STYX: variants seen among roughly 807,000 people sequenced by gnomAD.
STYX encodes serine/threonine/tyrosine-interacting protein.
In STYX, 20 loss-of-function variants were observed where a neutral mutation model predicts 42.7. The observed-to-expected ratio is 0.47, with a 90% CI of 0.33 to 0.68. The LOEUF (loss-of-function observed/expected upper bound fraction) is 0.68. Among genes scored for constraint, STYX ranks in the 30% least tolerant of loss-of-function variants. STYX has a pLI of 0.02. For synonymous variants in STYX, 78 were observed against 81.9 expected (o/e 0.95, Z 0.26); for missense variants, 226 against 268.5 (o/e 0.84, Z 1.11).
At chr14:52,766,937 A>G (rs1882325619) in intron 9 of STYX, among the ~76,000 whole-genome samples, 1 of 150,996 alleles carries the variant, frequency 6.6e-6, no homozygotes, top group South Asian at 2.1e-4. Flanking sequence ...TGTTTTAGTT[A>G]GGCACTGACA....
intron 1 of STYX, among the ~76,000 whole-genome samples, chr14:52,743,505 C>T (rs144264934): frequency 1.3e-3 from 199 of 152,008 alleles, no homozygotes; most frequent in African/African-American, 4.5e-3. Flanking sequence ...GGTGTGAACC[C>T]GGGAGACGGA....
chr14:52,730,610 C>T, intron 1 of STYX, 79 bp downstream of exon 1: 2 of 1,517,836 alleles, frequency 1.3e-6, no homozygotes, highest in Non-Finnish European at 9.0e-7. Flanking sequence ...CCCCAACCGT[C>T]TTAGCCGCCA....
At chr14:52,740,223 C>T (rs567824183) in intron 1 of STYX, among the ~76,000 whole-genome samples, 2 of 152,242 alleles carry the variant, frequency 1.3e-5, no homozygotes, top group Non-Finnish European at 2.9e-5. Context: ...TTGCAGTGAG[C>T]TGAGATCGTG....
chr14:52,743,092 G>A (rs1036790098), intron 1 of STYX, among the ~76,000 whole-genome samples: 5 of 151,334 alleles, frequency 3.3e-5, no homozygotes, highest in South Asian at 4.2e-4. Context: ...CACCGCGCCC[G>A]GCTTTTTGAT....
At chr14:52,739,007 T>C (rs1881076134) in intron 1 of STYX, among the ~76,000 whole-genome samples, 1 of 152,112 alleles carries the variant, frequency 6.6e-6, no homozygotes, top group African/African-American at 2.4e-5. Context: ...TTCTTTCCTG[T>C]GATACCCCCA....
intron 8 of STYX, among the ~76,000 whole-genome samples, chr14:52,758,903 T>G (rs1450958186): frequency 6.6e-6 from 1 of 152,226 alleles, no homozygotes; most frequent in East Asian, 1.9e-4. Flanking sequence ...GAAAAAAGAT[T>G]AAACATGTAT....
chr14:52,750,623 T>C, intron 3 of STYX, 60 bp from the exon 4 acceptor site: 2 of 1,057,394 alleles, frequency 1.9e-6, no homozygotes, highest in South Asian at 1.5e-5. Context: ...AGTAAGATGA[T>C]GTTTGATATT....
In STYX at chr14:52,757,693, C is replaced by T. The variant is rs79369272; in HGVS notation, c.341-50C>T. On this transcript the variant is annotated intron_variant, in intron 6 of 10. Coordinates refer to ENST00000354586, the MANE Select transcript of STYX (RefSeq NM_145251.4). ...TTACTGTGGTTTCAATGTAGTTCAG[C>T]TACTGACTCAGGTGTTTTTCTATTA... 8.6e-3 allele frequency: 13,402 copies of T among 1,557,694 alleles called. 120 individuals carry two copies. The highest frequency in any genetic ancestry group is 0.027 in the South Asian group (2,442 of 89,590).
chr14:52,761,685 C>T (rs1271456103), intron 9 of STYX, among the ~76,000 whole-genome samples: 1 of 149,860 alleles, frequency 6.7e-6, no homozygotes, highest in Non-Finnish European at 1.5e-5. Context: ...TCTCCTGCCT[C>T]AGCCTCCCAA....
intron 9 of STYX, among the ~76,000 whole-genome samples, chr14:52,760,119 T>C (rs1168316494): frequency 6.6e-6 from 1 of 152,122 alleles, no homozygotes; most frequent in Non-Finnish European, 1.5e-5. Flanking sequence ...GATGGGAGGA[T>C]TGCTTGAGCC....
chr14:52,740,136 G>A (rs1329992330), intron 1 of STYX, among the ~76,000 whole-genome samples: 1 of 152,102 alleles, frequency 6.6e-6, no homozygotes, highest in Non-Finnish European at 1.5e-5. Flanking sequence ...AATTAGCCAG[G>A]TTTGGTGGTG....
chr14:52,771,122 C>T lies in STYX; in HGVS notation c.*16C>T, dbSNP rs188145814. 2 of 1,586,066 alleles carry T rather than the reference C, an allele frequency of 1.3e-6. No homozygotes were observed. The highest frequency in any genetic ancestry group is 1.7e-6 in the Non-Finnish European group (2 of 1,163,844). ...GAATGGCTGACTTGAAGAGCAACATCATAGAGTGTGAATTTCTATTTGGGA... is the reference window on the plus strand; with the variant it reads ...GAATGGCTGACTTGAAGAGCAACATTATAGAGTGTGAATTTCTATTTGGGA... On this transcript the variant is annotated 3_prime_UTR_variant, in exon 11 of 11. Coordinates refer to ENST00000354586, the MANE Select transcript of STYX (RefSeq NM_145251.4).
At chr14:52,759,038 G>A (rs1881989555) in intron 8 of STYX, among the ~76,000 whole-genome samples, 1 of 152,126 alleles carries the variant, frequency 6.6e-6, no homozygotes. Context: ...GGCACTTTAA[G>A]CCTCATAACA....
At chr14:52,769,605 C>G (rs374495274) in intron 10 of STYX, among the ~76,000 whole-genome samples, 9 of 152,130 alleles carry the variant, frequency 5.9e-5, no homozygotes, top group African/African-American at 2.2e-4. Context: ...AGTAATATGA[C>G]TGTATATTCA....
chr14:52,737,936 C>T (rs1033241935), intron 1 of STYX, among the ~76,000 whole-genome samples: 2 of 152,084 alleles, frequency 1.3e-5, no homozygotes, highest in African/African-American at 2.4e-5. Context: ...CCACCATGCC[C>T]GGCTAATTTT....
In STYX at chr14:52,730,170, G is replaced by C. The variant is rs1436202895; in HGVS notation, c.-305G>C. The C allele has an allele frequency of 2.3e-6, 1 of 439,538 alleles. No individual in the cohort carries two copies. 27.2% of individuals were successfully genotyped at this position (439,538 alleles called of 1,614,324 possible). On this transcript the variant is annotated 5_prime_UTR_variant, in exon 1 of 11. Coordinates refer to ENST00000354586, the MANE Select transcript of STYX (RefSeq NM_145251.4). ...GCGGGAAGGAGGCGGGGAGACGGTT[G>C]TCGGGCTGGTTCCTGTGCTGGATCC... is the stretch of plus-strand genomic sequence containing the variant.
At chr14:52,731,293 A>G (rs1880690053) in intron 1 of STYX, among the ~76,000 whole-genome samples, 1 of 152,192 alleles carries the variant, frequency 6.6e-6, no homozygotes, top group Non-Finnish European at 1.5e-5. Flanking sequence ...GCTATACTTT[A>G]GTAGGATTAA....
Position 52,759,874 on chromosome 14 carries a change from T to TG in STYX, c.504+121dup, listed in dbSNP as rs1594879011. On this transcript the variant is annotated intron_variant, in intron 9 of 10. Coordinates refer to ENST00000354586, the MANE Select transcript of STYX (RefSeq NM_145251.4). ...AATTGCCATAATCTGACTACTTTGA[T>TG]GCTTTATTCAAGTTTATATCTCTAT... 1.7e-5 allele frequency: 11 copies of TG among 657,668 alleles called. No homozygotes were observed. In the East Asian group the frequency reaches 3.0e-4, roughly 18 times the overall value. The allele number at this position is 657,668 out of a possible 1,614,324, so 40.7% of individuals were successfully genotyped here.
intron 6 of STYX, 142 bp from the exon 7 acceptor site, chr14:52,757,601 C>A: frequency 1.2e-6 from 1 of 822,736 alleles, no homozygotes. Flanking sequence ...ATTCTCTACA[C>A]AGTTGATAAT....
Sources: gnomAD v4.1 joint callset for allele counts (sites outside exome capture counted in the v4.1 genomes callset) on GRCh38, gnomAD v4.1.1 for gene constraint, MANE v1.5 for transcripts, NCBI Gene and HGNC (gene_info 2026-07-23, HGNC 2026-07-21) for gene names.